SLC5A12: variants seen among roughly 807,000 people sequenced by gnomAD.
SLC5A12 encodes sodium-coupled monocarboxylate transporter 2.
A neutral mutation model predicts 72.7 loss-of-function variants in SLC5A12; 46 were observed. That is an observed-to-expected ratio of 0.63 (90% CI 0.50 to 0.81). The LOEUF (loss-of-function observed/expected upper bound fraction) is 0.81. SLC5A12 is among the 30% of genes least tolerant of loss of function. The pLI is 0.00. For synonymous variants in SLC5A12, 275 were observed against 264.4 expected (o/e 1.04, Z -0.39); for missense variants, 683 against 740.7 (o/e 0.92, Z 0.90).
intron 12 of SLC5A12, among the ~76,000 whole-genome samples, chr11:26,680,047 C>T (rs1274103985): frequency 4.6e-5 from 7 of 151,480 alleles, no homozygotes; most frequent in Admixed American, 2.0e-4. Flanking sequence ...TATGCCGGAC[C>T]GAGAGAGACT....
chr11:26,671,112 G>A lies in SLC5A12; in HGVS notation c.1847C>T (p.Thr616Ile). 4 of 1,610,860 alleles carry A rather than the reference G, an allele frequency of 2.5e-6. No individual in the cohort carries two copies. Among genetic ancestry groups the A allele is most frequent in the Non-Finnish European group, 3.4e-6 (4 of 1,178,422 alleles). The part of the protein sequence containing the change: ...KSYNNMAFET[T>I]HF ...CATACAGGTATTGCCTTAGAAATGG[G>A]TAGTCTCAAATGCCATATTGTTGTA... Residue 616 changes from threonine (T) to isoleucine (I), a missense_variant, in exon 15 of 15, where the codon ACC (threonine) becomes ATC (isoleucine). Thr to Ile is a moderately conservative substitution (Grantham distance 89). Coordinates refer to ENST00000396005, the MANE Select transcript of SLC5A12 (RefSeq NM_178498.4).
chr11:26,696,735 T>C (rs1854824855), intron 8 of SLC5A12, among the ~76,000 whole-genome samples: 2 of 152,228 alleles, frequency 1.3e-5, no homozygotes, highest in Non-Finnish European at 2.9e-5. Flanking sequence ...CAGTCCATCA[T>C]TGACTGAAAT....
At chr11:26,714,038 G>T (rs1389908606) in intron 1 of SLC5A12, among the ~76,000 whole-genome samples, 1 of 151,544 alleles carries the variant, frequency 6.6e-6, no homozygotes, top group East Asian at 1.9e-4. Flanking sequence ...AGCCTCTCTG[G>T]ATAATCCAAG....
At position 26,721,988 on chromosome 11, in the gene SLC5A12, C is replaced by A; in HGVS notation, c.-274G>T. 2.2e-6 allele frequency: 1 copy of A among 450,102 alleles called. No homozygotes were observed. Among genetic ancestry groups the A allele is most frequent in the Non-Finnish European group, 4.0e-6 (1 of 251,386 alleles). 27.9% of individuals were successfully genotyped at this position (450,102 alleles called of 1,614,324 possible). ...TGACCCTAGCTAAGAGCTGTCTGCT[C>A]CTCTCCTAAAGCATATGCCACAGAG... is the stretch of plus-strand genomic sequence containing the variant. On this transcript the variant is annotated 5_prime_UTR_variant, in exon 1 of 15. Transcript: ENST00000396005.
At chr11:26,691,117 C>T (rs533144585) in intron 9 of SLC5A12, among the ~76,000 whole-genome samples, 1 of 151,770 alleles carries the variant, frequency 6.6e-6, no homozygotes, top group South Asian at 2.1e-4. Flanking sequence ...TCCAATGTCC[C>T]ATCAACAAAT....
At chr11:26,704,866 T>C (rs1590732680) in intron 4 of SLC5A12, among the ~76,000 whole-genome samples, 2 of 152,206 alleles carry the variant, frequency 1.3e-5, no homozygotes, top group South Asian at 2.1e-4. Flanking sequence ...GAAACTGAGA[T>C]GGTAGAATAT....
At chr11:26,710,242 C>A (rs189990571) in intron 3 of SLC5A12, among the ~76,000 whole-genome samples, 8 of 152,276 alleles carry the variant, frequency 5.3e-5, no homozygotes, top group East Asian at 1.9e-4. Context: ...ATATGTGCCA[C>A]ATTTTCTTTA....
At chr11:26,705,512 T>A (rs1321735104) in intron 4 of SLC5A12, among the ~76,000 whole-genome samples, 1 of 152,152 alleles carries the variant, frequency 6.6e-6, no homozygotes, top group African/African-American at 2.4e-5. Flanking sequence ...AAGAAGACAT[T>A]GGGGTTGCCC....
chr11:26,708,748 C>A (rs1312926582), intron 4 of SLC5A12, among the ~76,000 whole-genome samples: 1 of 151,960 alleles, frequency 6.6e-6, no homozygotes, highest in Non-Finnish European at 1.5e-5. Flanking sequence ...GTATTAATTA[C>A]ATAAACATGC....
chr11:26,689,952 T>C (rs1468847262), intron 9 of SLC5A12, among the ~76,000 whole-genome samples: 2 of 152,092 alleles, frequency 1.3e-5, no homozygotes, highest in African/African-American at 4.8e-5. Context: ...CATAACACAA[T>C]AGCATAATTA....
intron 9 of SLC5A12, among the ~76,000 whole-genome samples, chr11:26,690,646 T>TAAAAAAAA (rs747754564): frequency 1.5e-4 from 14 of 92,724 alleles, no homozygotes; most frequent in African/African-American, 4.5e-4. Context: ...CCACCTCTAC[T>TAAAAAAAA]AAAAAAAAAA....
chr11:26,678,482 C>T (rs531753641), intron 13 of SLC5A12, among the ~76,000 whole-genome samples: 66 of 151,994 alleles, frequency 4.3e-4, no homozygotes, highest in Non-Finnish European at 8.4e-4. Context: ...TGGGTTCAAG[C>T]GATTCTCCTG....
chr11:26,679,177 T>C (rs1854333482), intron 12 of SLC5A12, among the ~76,000 whole-genome samples: 2 of 152,102 alleles, frequency 1.3e-5, no homozygotes, highest in African/African-American at 4.8e-5. Flanking sequence ...AGTCACAAAG[T>C]CTACATACAG....
chr11:26,709,024 A>G (rs954214943), intron 4 of SLC5A12: 1 of 272,028 alleles, frequency 3.7e-6, no homozygotes, highest in Non-Finnish European at 6.9e-6. Flanking sequence ...CAGAAGTAGC[A>G]TAGGGCCACC....
chr11:26,716,632 A>G (rs542486496), intron 1 of SLC5A12, among the ~76,000 whole-genome samples: 7 of 151,998 alleles, frequency 4.6e-5, no homozygotes, highest in African/African-American at 1.4e-4. Context: ...GGAAATACCA[A>G]CTCTACTTTT....
rs185077271 is a variant in SLC5A12, at chr11:26,675,678, C to T, written c.1580-2149G>A. ...CCTGGGGTGGTTTTGAGGAAAGTTC[C>T]CCTTCCTCTGAGCAGAACCAACTCT... is the stretch of plus-strand genomic sequence containing the variant. On this transcript the variant is annotated intron_variant, in intron 13 of 14. Transcript: ENST00000396005. Among the ~76,000 whole-genome samples the T allele has an allele frequency of 4.6e-5, 7 of 152,168 alleles. No homozygotes were observed. In the East Asian group the frequency reaches 9.7e-4, roughly 21 times the overall value.
In SLC5A12 at chr11:26,673,443, G is replaced by C; in HGVS notation, c.1666C>G (p.Leu556Val). ...FCFWSKKYKT[L>V]CWCGVQHDSG... ...TCATGCTGAACTCCACACCAGCATA[G>C]TGTTTTGTACTTCTTAGACCAAAAG... is the stretch of plus-strand genomic sequence containing the variant. The change falls in exon 14 of 15, where the codon CTA becomes GTA. Residue 556 changes from leucine (L) to valine (V), a missense_variant. Transcript: ENST00000396005. 1 of 1,610,890 alleles carries C rather than the reference G, an allele frequency of 6.2e-7. No homozygotes were observed. The highest frequency in any genetic ancestry group is 8.5e-7 in the Non-Finnish European group (1 of 1,178,480).
intron 2 of SLC5A12, among the ~76,000 whole-genome samples, chr11:26,711,645 T>C (rs770466086): frequency 5.9e-5 from 9 of 152,112 alleles, no homozygotes; most frequent in Non-Finnish European, 1.3e-4. Context: ...ATAGACTTAA[T>C]TAAGTTTTGA....
In SLC5A12 at chr11:26,670,112, C is replaced by T. The variant is rs563974864; in HGVS notation, c.*990G>A. 6.6e-6 allele frequency: 1 copy of T among 152,214 alleles called. No individual in the cohort carries two copies. Among genetic ancestry groups the T allele is most frequent in the African/African-American group, 2.4e-5 (1 of 41,554 alleles). 9.4% of individuals were successfully genotyped at this position (152,214 alleles called of 1,614,324 possible). ...ACTATGAAGTTCTCCACTTCTGTTA[C>T]CTAACCCAGGTGGAGTGAGTTGAGC... is the stretch of plus-strand genomic sequence containing the variant. On this transcript the variant is annotated 3_prime_UTR_variant, in exon 15 of 15. Transcript: ENST00000396005.
Sources: allele counts gnomAD v4.1 joint callset (sites outside exome capture counted in the v4.1 genomes callset), GRCh38; gene constraint gnomAD v4.1.1; transcripts MANE v1.5; gene names NCBI Gene and HGNC (gene_info 2026-07-23, HGNC 2026-07-21).